The following PKHD1 variants were observed in gnomAD, a reference collection of about 807,000 sequenced individuals.
The protein encoded by PKHD1 is PKHD1 ciliary IPT domain containing fibrocystin/polyductin.
PKHD1 carries 291 observed loss-of-function variants against 412.0 expected under a neutral mutation model. That is an observed-to-expected ratio of 0.71 (90% CI 0.64 to 0.78). The LOEUF is 0.78. PKHD1 is among the 30% of genes least tolerant of loss of function. The pLI is 0.00. For synonymous variants in PKHD1, 1,777 were observed against 1,821.5 expected (o/e 0.98, Z 0.62); for missense variants, 4,825 against 4,950.7 (o/e 0.97, Z 0.76).
intron 60 of PKHD1, among the ~76,000 whole-genome samples, chr6:51,717,412 C>CAA (rs60675116): frequency 1.6e-5 from 2 of 123,226 alleles, no homozygotes; most frequent in Admixed American, 8.3e-5. Context: ...AACTCTGTCT[C>CAA]AAAAAAAAAA....
At chr6:51,924,777 G>A (rs1270079646) in intron 37 of PKHD1, among the ~76,000 whole-genome samples, 3 of 152,212 alleles carry the variant, frequency 2.0e-5, no homozygotes, top group South Asian at 4.1e-4. Flanking sequence ...CTAGCTGAGA[G>A]ATTATTGGAA....
chr6:51,661,335 A>C (rs1405432733), intron 60 of PKHD1, among the ~76,000 whole-genome samples: 3 of 152,134 alleles, frequency 2.0e-5, no homozygotes, highest in Non-Finnish European at 2.9e-5. Flanking sequence ...TCATAGCTCC[A>C]TAATAGAAAT....
chr6:51,657,607 A>T (rs1772094857), intron 61 of PKHD1, among the ~76,000 whole-genome samples: 1 of 152,162 alleles, frequency 6.6e-6, no homozygotes, highest in African/African-American at 2.4e-5. Flanking sequence ...AGTCAAAAGT[A>T]AAAAAACATG....
At chr6:51,783,174 G>A (rs1792299064) in intron 53 of PKHD1, among the ~76,000 whole-genome samples, 1 of 152,034 alleles carries the variant, frequency 6.6e-6, no homozygotes, top group Non-Finnish European at 1.5e-5. Flanking sequence ...TGAGCAACTA[G>A]ACAGTGCATC....
At chr6:51,859,298 G>A (rs933081913) in intron 48 of PKHD1, among the ~76,000 whole-genome samples, 8 of 151,922 alleles carry the variant, frequency 5.3e-5, no homozygotes, top group African/African-American at 1.5e-4. Context: ...ACGCCGAGGC[G>A]GGTGGATCAT....
In PKHD1 at chr6:51,938,808, T is replaced by C. The variant is rs564851480; in HGVS notation, c.5909-4486A>G. On this transcript the variant is annotated intron_variant, in intron 36 of 66. Coordinates refer to ENST00000371117, the MANE Select transcript of PKHD1 (RefSeq NM_138694.4). ...CTTCTGGTCCTCAGACCAAGGAACA[T>C]CTCACCAATTTTAAATCCGGTAAGC... Among the ~76,000 whole-genome samples, 144 of 151,728 alleles carry C rather than the reference T, an allele frequency of 9.5e-4. 4 individuals are homozygous for C. Among genetic ancestry groups the C allele is most frequent in the Non-Finnish European group, 1.7e-3 (117 of 67,768 alleles).
At chr6:51,944,145 C>T (rs1032362106) in intron 36 of PKHD1, among the ~76,000 whole-genome samples, 6 of 151,876 alleles carry the variant, frequency 4.0e-5, no homozygotes, top group South Asian at 2.1e-4. Flanking sequence ...GTGAAATGGC[C>T]AGTCCTTGCC....
intron 40 of PKHD1, among the ~76,000 whole-genome samples, chr6:51,907,049 T>C (rs1782212616): frequency 6.6e-6 from 1 of 152,112 alleles, no homozygotes; most frequent in Non-Finnish European, 1.5e-5. Flanking sequence ...GAATTGTGCA[T>C]TGCATTGTGC....
chr6:51,703,435 T>C (rs1779678545), intron 60 of PKHD1, among the ~76,000 whole-genome samples: 1 of 151,986 alleles, frequency 6.6e-6, no homozygotes, highest in Non-Finnish European at 1.5e-5. Flanking sequence ...ATTATGATTC[T>C]GGTTATTTGA....
intron 5 of PKHD1, among the ~76,000 whole-genome samples, chr6:52,077,782 A>G (rs1320894518): frequency 6.6e-6 from 1 of 152,218 alleles, no homozygotes; most frequent in Non-Finnish European, 1.5e-5. Flanking sequence ...CAATGTTGTT[A>G]CTTCACAGCT....
At chr6:52,082,675 TC>T in intron 3 of PKHD1, 133 bp from the exon 4 acceptor site, 1 of 802,326 alleles carries the variant, frequency 1.2e-6, no homozygotes, top group South Asian at 1.4e-5. Flanking sequence ...ACTCCTCATT[TC>T]CTCATAGATG....
intron 36 of PKHD1, among the ~76,000 whole-genome samples, chr6:51,944,260 C>T (rs1789080300): frequency 6.6e-6 from 1 of 151,646 alleles, no homozygotes. Flanking sequence ...CGCCAGAGAA[C>T]AACCCCCCTT....
intron 52 of PKHD1, among the ~76,000 whole-genome samples, chr6:51,818,491 T>C (rs1765844166): frequency 6.6e-6 from 1 of 152,166 alleles, no homozygotes; most frequent in Non-Finnish European, 1.5e-5. Flanking sequence ...CTCTACTGTC[T>C]CTGTTATCTC....
intron 52 of PKHD1, 84 bp downstream of exon 52, chr6:51,830,777 G>T: frequency 7.6e-7 from 1 of 1,313,102 alleles, no homozygotes; most frequent in Non-Finnish European, 1.1e-6. Context: ...ACTCTTTACT[G>T]TGTTGTACAA....
chr6:51,793,224 A>C (rs2151275261), intron 52 of PKHD1, among the ~76,000 whole-genome samples: 1 of 152,360 alleles, frequency 6.6e-6, no homozygotes, highest in East Asian at 1.9e-4. Context: ...CAAATAAAAG[A>C]GTGAAGTACC....
rs2151020510 is a variant in PKHD1, at chr6:51,754,821, A to G, written c.8760T>C (p.His2920=). ...VLTVKEVKGH[H]VRIYERLKHR... is the part of the protein sequence containing the mutation. Reference sequence around the variant, plus strand: ...GTTTGAGCCGTTCATAGATCCTCACATGGTGGCCCTTGACTTCTTTCACAG... The same window carrying G: ...GTTTGAGCCGTTCATAGATCCTCACGTGGTGGCCCTTGACTTCTTTCACAG... Residue 2920 remains histidine (H), a synonymous_variant, in exon 56 of 67, where the codon CAT becomes CAC. Transcript: ENST00000371117. 2.5e-6 allele frequency: 4 copies of G among 1,613,548 alleles called. No individual in the cohort carries two copies. Among genetic ancestry groups the G allele is most frequent in the South Asian group, 1.1e-5 (1 of 91,070 alleles).
chr6:51,644,409 C>T (rs1300948341), intron 63 of PKHD1, among the ~76,000 whole-genome samples: 6 of 152,082 alleles, frequency 3.9e-5, no homozygotes, highest in South Asian at 4.1e-4. Context: ...AATTAGAAGA[C>T]GAGGCACGTC....
intron 53 of PKHD1, among the ~76,000 whole-genome samples, chr6:51,776,239 A>C (rs1791005776): frequency 6.6e-6 from 1 of 152,022 alleles, no homozygotes; most frequent in African/African-American, 2.4e-5. Flanking sequence ...AGTGGTAGGA[A>C]TATTAGTTTT....
Position 51,638,976 on chromosome 6 carries a change from A to AGATCGG in PKHD1, c.11399-21_11399-20insCCGATC. 1 of 1,503,490 alleles carries AGATCGG rather than the reference A, an allele frequency of 6.7e-7. No individual in the cohort carries two copies. The highest frequency in any genetic ancestry group is 9.3e-7 in the Non-Finnish European group (1 of 1,078,840). 93.1% of individuals were successfully genotyped at this position (1,503,490 alleles called of 1,614,324 possible). A position where few individuals can be genotyped will look rare whatever the true frequency, so the allele number is the denominator to read the frequency against. ...TGCACCCTACAAAAAAGTACAAAACAAAAATTAGCTGTTTATTATCTAATC... is the reference window on the plus strand; with the variant it reads ...TGCACCCTACAAAAAAGTACAAAACAGATCGGAAAATTAGCTGTTTATTATCTAATC... On this transcript the variant is annotated intron_variant, in intron 63 of 66. Coordinates refer to ENST00000371117, the MANE Select transcript of PKHD1 (RefSeq NM_138694.4).
Sources: gnomAD v4.1 joint callset for allele counts (sites outside exome capture counted in the v4.1 genomes callset) on GRCh38, gnomAD v4.1.1 for gene constraint, MANE v1.5 for transcripts, NCBI Gene and HGNC (gene_info 2026-07-23, HGNC 2026-07-21) for gene names.